COG5: variants seen among roughly 807,000 people sequenced by gnomAD.
The protein encoded by COG5 is conserved oligomeric Golgi complex subunit 5.
In COG5, 86 loss-of-function variants were observed where a neutral mutation model predicts 110.4. That is an observed-to-expected ratio of 0.78 (90% CI 0.65 to 0.93). The LOEUF (loss-of-function observed/expected upper bound fraction) is 0.93. Among genes scored for constraint, COG5 ranks in the 40% least tolerant of loss-of-function variants. The pLI, the probability that COG5 is intolerant of heterozygous loss-of-function variation, is 0.00. For missense variants in COG5, 1,077 were observed against 987.0 expected, an observed-to-expected ratio of 1.09 and a Z score of -1.22; for synonymous variants, 360 against 334.6, an observed-to-expected ratio of 1.08 and a Z score of -0.83.
chr7:107,310,493 A>C (rs143692466), intron 11 of COG5, among the ~76,000 whole-genome samples: 1 of 152,338 alleles, frequency 6.6e-6, no homozygotes, highest in East Asian at 1.9e-4. Flanking sequence ...AATTCACAAA[A>C]TGCTAAAATA....
At chr7:107,534,404 T>C (rs563266005) in intron 5 of COG5, among the ~76,000 whole-genome samples, 2 of 151,290 alleles carry the variant, frequency 1.3e-5, no homozygotes, top group South Asian at 4.2e-4. Flanking sequence ...ATTCATGTGA[T>C]GAATTCAGGA....
At chr7:107,266,911 A>G (rs1479267423) in intron 14 of COG5, among the ~76,000 whole-genome samples, 1 of 152,182 alleles carries the variant, frequency 6.6e-6, no homozygotes, top group Non-Finnish European at 1.5e-5. Context: ...GAGGTTTTTT[A>G]CTAGCTATTT....
chr7:107,325,000 C>A (rs1362578629), intron 10 of COG5, among the ~76,000 whole-genome samples: 4 of 152,006 alleles, frequency 2.6e-5, no homozygotes, highest in Non-Finnish European at 4.4e-5. Context: ...AGCCTGCTTA[C>A]AACATGCTTG....
chr7:107,427,242 T>C (rs1023510061), intron 6 of COG5, among the ~76,000 whole-genome samples: 2 of 152,178 alleles, frequency 1.3e-5, no homozygotes, highest in Non-Finnish European at 2.9e-5. Flanking sequence ...GGTTCCAAAC[T>C]ACCACGGACT....
rs562901335 is a variant in COG5 at position 107,536,380 on chromosome 7, C to T, written c.418-9023G>A. Among the ~76,000 whole-genome samples the T allele has an allele frequency of 1.3e-4, 20 of 152,294 alleles. 1 individual carries two copies. The South Asian group carries it at 3.9e-3, about 30-fold the overall frequency. ...GTATATATAGAAAACTCCATCGTCT[C>T]AGCCCAAAAACTCCTTAAGCTGATA... On this transcript the variant is annotated intron_variant, in intron 5 of 21. Coordinates refer to ENST00000297135, the MANE Select transcript of COG5 (RefSeq NM_006348.5).
intron 14 of COG5, among the ~76,000 whole-genome samples, chr7:107,268,681 G>A (rs78404515): frequency 0.16 from 24,438 of 152,114 alleles, 2,356 homozygotes; most frequent in Non-Finnish European, 0.22. Flanking sequence ...CTTGTAAGGT[G>A]TATCATAATT....
intron 6 of COG5, among the ~76,000 whole-genome samples, chr7:107,477,450 A>G (rs1186819812): frequency 6.6e-6 from 1 of 151,742 alleles, no homozygotes; most frequent in Non-Finnish European, 1.5e-5. Context: ...TATTTGTCTA[A>G]ACTGCTTTCA....
chr7:107,274,333 T>C (rs1295005440), intron 14 of COG5, among the ~76,000 whole-genome samples: 1 of 152,172 alleles, frequency 6.6e-6, no homozygotes. Context: ...TTAAAAAAGT[T>C]CATGAGCTCT....
chr7:107,529,492 C>CG (rs1801020172), intron 5 of COG5, among the ~76,000 whole-genome samples: 3 of 152,192 alleles, frequency 2.0e-5, no homozygotes, highest in South Asian at 2.1e-4. Flanking sequence ...TATGACCTTC[C>CG]GGGGGCACTC....
Position 107,202,399 on chromosome 7 carries a change from T to TGGTTAG in COG5, c.*1111_*1116dup, listed in dbSNP as rs1351697023. On this transcript the variant is annotated 3_prime_UTR_variant, in exon 22 of 22. Coordinates refer to ENST00000297135, the MANE Select transcript of COG5 (RefSeq NM_006348.5). Reference sequence around the variant, plus strand: ...CATGTTACTTACCAAGTGGTGTTTCTGGTTAGGAATCACAGCTGTAAAATT... The same window carrying TGGTTAG: ...CATGTTACTTACCAAGTGGTGTTTCTGGTTAGGGTTAGGAATCACAGCTGTAAAATT... 3 of 152,658 alleles carry TGGTTAG rather than the reference T, an allele frequency of 2.0e-5. No individual in the cohort carries two copies. Among genetic ancestry groups the TGGTTAG allele is most frequent in the Non-Finnish European group, 4.4e-5 (3 of 68,040 alleles). The allele number at this position is 152,658 out of a possible 1,614,324, so 9.5% of individuals were successfully genotyped here.
chr7:107,449,229 G>C (rs1039499099), intron 6 of COG5, among the ~76,000 whole-genome samples: 1 of 152,022 alleles, frequency 6.6e-6, no homozygotes. Flanking sequence ...AATGCATACG[G>C]GACTTAAAAC....
At chr7:107,379,831 G>A (rs558288963) in intron 7 of COG5, among the ~76,000 whole-genome samples, 3 of 152,138 alleles carry the variant, frequency 2.0e-5, no homozygotes, top group Non-Finnish European at 2.9e-5. Flanking sequence ...CAATAATAGT[G>A]GGAGACTTTA....
intron 6 of COG5, among the ~76,000 whole-genome samples, chr7:107,417,412 A>G (rs143327721): frequency 6.6e-5 from 10 of 152,300 alleles, no homozygotes; most frequent in Admixed American, 2.0e-4. Flanking sequence ...TTATAAAAAT[A>G]TCAATTTTTG....
chr7:107,493,419 G>C (rs1028997167), intron 6 of COG5, among the ~76,000 whole-genome samples: 4 of 152,090 alleles, frequency 2.6e-5, no homozygotes, highest in Non-Finnish European at 5.9e-5. Flanking sequence ...TTACCACTAT[G>C]AGTAAATCCA....
intron 6 of COG5, among the ~76,000 whole-genome samples, chr7:107,520,946 T>C (rs7807154): frequency 2.6e-5 from 4 of 151,994 alleles, no homozygotes; most frequent in Non-Finnish European, 4.4e-5. Flanking sequence ...CCAAAAGAGA[T>C]ATGTAACTAA....
At chr7:107,343,850 T>G (rs186155304) in intron 10 of COG5, among the ~76,000 whole-genome samples, 24 of 151,480 alleles carry the variant, frequency 1.6e-4, no homozygotes, top group Admixed American at 1.6e-3. Context: ...TTACCAATGA[T>G]GAGTAATAGT....
chr7:107,403,042 C>T (rs1002336337), intron 7 of COG5, among the ~76,000 whole-genome samples: 4 of 151,922 alleles, frequency 2.6e-5, no homozygotes, highest in Admixed American at 6.6e-5. Flanking sequence ...TACTACAAAG[C>T]TATTTAAAAC....
chr7:107,394,282 T>C (rs1319790891), intron 7 of COG5, among the ~76,000 whole-genome samples: 1 of 145,732 alleles, frequency 6.9e-6, no homozygotes, highest in Non-Finnish European at 1.5e-5. Flanking sequence ...ATTTTTTAAG[T>C]GAAAAAGATA....
intron 18 of COG5, among the ~76,000 whole-genome samples, chr7:107,232,751 T>C (rs188270524): frequency 4.5e-4 from 69 of 152,338 alleles, no homozygotes; most frequent in Non-Finnish European, 9.0e-4. Context: ...ATAAAGGCCA[T>C]GTTTTAAAGG....
Sources: allele counts gnomAD v4.1 joint callset (sites outside exome capture counted in the v4.1 genomes callset), GRCh38; gene constraint gnomAD v4.1.1; transcripts MANE v1.5; gene names NCBI Gene and HGNC (gene_info 2026-07-23, HGNC 2026-07-21).